The following AGPAT4 variants were observed in gnomAD, a reference collection of about 807,000 sequenced individuals.
AGPAT4 encodes the protein 1-acylglycerol-3-phosphate O-acyltransferase 4.
Under a neutral mutation model 48.0 loss-of-function variants are expected in AGPAT4, and 15 were observed. The ratio of observed to expected loss-of-function variants is 0.31; its 90% confidence interval spans 0.21 to 0.48. The LOEUF is 0.48. Among genes scored for constraint, AGPAT4 ranks in the 20% least tolerant of loss-of-function variants. AGPAT4 has a pLI of 0.99. For synonymous variants in AGPAT4, 178 were observed against 198.7 expected, an observed-to-expected ratio of 0.90 and a Z score of 0.88; for missense variants, 314 against 482.5, an observed-to-expected ratio of 0.65 and a Z score of 3.27.
Position 161,180,508 on chromosome 6 carries a change from A to G in AGPAT4, c.179-14091T>C, listed in dbSNP as rs969546696. Reference sequence around the variant, plus strand: ...ATGATCATTAGCTCTAACCAACTTTAACAATTATATAATTACATAGGTGAT... The same window carrying G: ...ATGATCATTAGCTCTAACCAACTTTGACAATTATATAATTACATAGGTGAT... On this transcript the variant is annotated intron_variant, in intron 2 of 8. Transcript: ENST00000320285. This position sits in a 1 kb window ranked among gnomAD's most constrained non-coding sequence, Gnocchi z 6.4. 1.7e-4 allele frequency among the ~76,000 whole-genome samples: 26 copies of G among 152,242 alleles called. No individual in the cohort carries two copies. Among genetic ancestry groups the G allele is most frequent in the African/African-American group, 6.0e-4 (25 of 41,462 alleles).
At position 161,255,035 on chromosome 6, in the gene AGPAT4, A is replaced by G. The variant is rs911016203; in HGVS notation, c.-90+18903T>C. Reference sequence around the variant, plus strand: ...CCATTGCAGAGCCAGATACGGTTACACAGCCCTTCTGAAGCAAAGATACAC... The same window carrying G: ...CCATTGCAGAGCCAGATACGGTTACGCAGCCCTTCTGAAGCAAAGATACAC... On this transcript the variant is annotated intron_variant, in intron 1 of 8. Transcript: ENST00000320285. This position sits in a 1 kb window ranked among gnomAD's most constrained non-coding sequence, Gnocchi z 4.7. Among the ~76,000 whole-genome samples the G allele has an allele frequency of 3.3e-5, 5 of 152,180 alleles. No individual in the cohort carries two copies. The highest frequency in any genetic ancestry group is 7.3e-5 in the Non-Finnish European group (5 of 68,032).
Position 161,229,577 on chromosome 6 carries a change from A to G in AGPAT4, c.178+2459T>C, listed in dbSNP as rs1001524026. ...ACCAGGAAAAGCGAACAGCCCTGCT[A>G]ACACCTATGGGGATACCAGAAACGG... On this transcript the variant is annotated intron_variant, in intron 2 of 8. Coordinates refer to ENST00000320285, the MANE Select transcript of AGPAT4 (RefSeq NM_020133.3). The surrounding 1 kb of genome is among the most constrained non-coding windows in gnomAD (Gnocchi z 6.0). 6.6e-6 allele frequency among the ~76,000 whole-genome samples: 1 copy of G among 152,174 alleles called. No homozygotes were observed. Among genetic ancestry groups the G allele is most frequent in the African/African-American group, 2.4e-5 (1 of 41,446 alleles).
rs1783464119 is a variant in AGPAT4 at position 161,272,719 on chromosome 6, C to CACACACAA, written c.-90+1218_-90+1219insTTGTGTGT. Among the ~76,000 whole-genome samples, 1 of 151,714 alleles carries CACACACAA rather than the reference C, an allele frequency of 6.6e-6. No individual in the cohort carries two copies. Among genetic ancestry groups the CACACACAA allele is most frequent in the East Asian group, 1.9e-4 (1 of 5,182 alleles). On this transcript the variant is annotated intron_variant, in intron 1 of 8. Coordinates refer to ENST00000320285, the MANE Select transcript of AGPAT4 (RefSeq NM_020133.3). This position sits in a 1 kb window ranked among gnomAD's most constrained non-coding sequence, Gnocchi z 4.2. ...CCATTTCCCTAAACACACACACACA[C>CACACACAA]ACACACACACACAAACACACACATT...
rs188659502 is a variant in AGPAT4, at chr6:161,254,305, T to C, written c.-90+19633A>G. The stretch of plus-strand genomic sequence containing the variant: ...AGAAAATAGAGGCTCAGGGAAGTCA[T>C]GACTTATTTTCTTTGGTCACTAACC... On this transcript the variant is annotated intron_variant, in intron 1 of 8. Coordinates refer to ENST00000320285, the MANE Select transcript of AGPAT4 (RefSeq NM_020133.3). The surrounding 1 kb of genome is among the most constrained non-coding windows in gnomAD (Gnocchi z 5.9). Among the ~76,000 whole-genome samples the C allele has an allele frequency of 9.8e-5, 15 of 152,346 alleles. No individual in the cohort carries two copies. In the East Asian group the frequency reaches 1.9e-3, roughly 20 times the overall value.
intron 3 of AGPAT4, among the ~76,000 whole-genome samples, chr6:161,163,754 C>T (rs563490888): frequency 6.6e-6 from 1 of 152,326 alleles, no homozygotes; most frequent in Admixed American, 6.5e-5. Flanking sequence ...GGACTCAGGG[C>T]TTAAGGAAGC....
rs1055058509 is a variant in AGPAT4, at chr6:161,170,468, C to G, written c.179-4051G>C. ...ATACACATGCGCGTGCACACGTGCG[C>G]GCGCGCACACACACACACACACACA... On this transcript the variant is annotated intron_variant, in intron 2 of 8. Coordinates refer to ENST00000320285, the MANE Select transcript of AGPAT4 (RefSeq NM_020133.3). 2.5e-4 allele frequency among the ~76,000 whole-genome samples: 19 copies of G among 77,206 alleles called. No homozygotes were observed. In the East Asian group the frequency reaches 4.6e-3, roughly 19 times the overall value. 50.7% of individuals were successfully genotyped at this position (77,206 alleles called of 152,430 possible).
chr6:161,225,154 C>G lies in AGPAT4; in HGVS notation c.178+6882G>C, dbSNP rs1360158212. Among the ~76,000 whole-genome samples the G allele has an allele frequency of 6.6e-6, 1 of 152,176 alleles. No homozygotes were observed. The highest frequency in any genetic ancestry group is 1.5e-5 in the Non-Finnish European group (1 of 68,028). On this transcript the variant is annotated intron_variant, in intron 2 of 8. Coordinates refer to ENST00000320285, the MANE Select transcript of AGPAT4 (RefSeq NM_020133.3). This position sits in a 1 kb window ranked among gnomAD's most constrained non-coding sequence, Gnocchi z 5.0. ...CTCCACCCTGACTCCTTCCGATGAC[C>G]TGCTCCACCCTGACTCATTCCAATT...
rs1781682653 is a variant in AGPAT4, at chr6:161,217,504, G to A, written c.178+14532C>T. ...CTTCTCCCTGTGTGTCCCTGGGGGA[G>A]TCCATCAGGTGCATGGTAATCCAGT... On this transcript the variant is annotated intron_variant, in intron 2 of 8. Coordinates refer to ENST00000320285, the MANE Select transcript of AGPAT4 (RefSeq NM_020133.3). The surrounding 1 kb of genome is among the most constrained non-coding windows in gnomAD (Gnocchi z 4.9). Among the ~76,000 whole-genome samples, 3 of 152,198 alleles carry A rather than the reference G, an allele frequency of 2.0e-5. No homozygotes were observed. The South Asian group carries it at 6.2e-4, about 32-fold the overall frequency.
chr6:161,257,065 G>A (rs75386883), intron 1 of AGPAT4, among the ~76,000 whole-genome samples: 11,195 of 152,284 alleles, frequency 0.074, 464 homozygotes, highest in Middle Eastern at 0.15. Context: ...TGCCCTAAAT[G>A]AGATGTTGGA....
In AGPAT4 at chr6:161,134,203, G is replaced by GTTAT. The variant is rs1554290667; in HGVS notation, c.*2333_*2336dup. 6.6e-6 allele frequency: 1 copy of GTTAT among 152,178 alleles called. No homozygotes were observed. Among genetic ancestry groups the GTTAT allele is most frequent in the Non-Finnish European group, 1.5e-5 (1 of 68,044 alleles). 9.4% of individuals were successfully genotyped at this position (152,178 alleles called of 1,614,324 possible). A position where few individuals can be genotyped will look rare whatever the true frequency, so the allele number is the denominator to read the frequency against. On this transcript the variant is annotated 3_prime_UTR_variant, in exon 9 of 9. Coordinates refer to ENST00000320285, the MANE Select transcript of AGPAT4 (RefSeq NM_020133.3). ...CAATTCAAAACTTGGCGCTCACTTA[G>GTTAT]TTATTTCCTAAGAGATTTCTGCCTG...
rs1424819054 is a variant in AGPAT4 at position 161,229,273 on chromosome 6, C to T, written c.178+2763G>A. ...GAAAATCAGCTGCAAATCATGAATG[C>T]TGATGACTGTCTAAGCTCAGAGTGA... On this transcript the variant is annotated intron_variant, in intron 2 of 8. Coordinates refer to ENST00000320285, the MANE Select transcript of AGPAT4 (RefSeq NM_020133.3). This position sits in a 1 kb window ranked among gnomAD's most constrained non-coding sequence, Gnocchi z 6.0. Among the ~76,000 whole-genome samples the T allele has an allele frequency of 2.0e-5, 3 of 152,094 alleles. No homozygotes were observed. The highest frequency in any genetic ancestry group is 7.2e-5 in the African/African-American group (3 of 41,414).
chr6:161,183,463 T>G (rs536736444), intron 2 of AGPAT4, among the ~76,000 whole-genome samples: 2 of 150,796 alleles, frequency 1.3e-5, no homozygotes, highest in Non-Finnish European at 3.0e-5. Flanking sequence ...CTAATAAAAA[T>G]ACAAAAATTA....
chr6:161,217,495 C>T lies in AGPAT4; in HGVS notation c.178+14541G>A, dbSNP rs1781682506. 6.6e-6 allele frequency among the ~76,000 whole-genome samples: 1 copy of T among 152,114 alleles called. No individual in the cohort carries two copies. Among genetic ancestry groups the T allele is most frequent in the Admixed American group, 6.5e-5 (1 of 15,286 alleles). On this transcript the variant is annotated intron_variant, in intron 2 of 8. Coordinates refer to ENST00000320285, the MANE Select transcript of AGPAT4 (RefSeq NM_020133.3). The surrounding 1 kb of genome is among the most constrained non-coding windows in gnomAD (Gnocchi z 4.9). ...AAAGACATGCTTCTCCCTGTGTGTCCCTGGGGGAGTCCATCAGGTGCATGG... is the reference window on the plus strand; with the variant it reads ...AAAGACATGCTTCTCCCTGTGTGTCTCTGGGGGAGTCCATCAGGTGCATGG...
Position 161,138,953 on chromosome 6 carries a change from C to T in AGPAT4, c.1042+469G>A, listed in dbSNP as rs1317774719. On this transcript the variant is annotated intron_variant, in intron 8 of 8. Coordinates refer to ENST00000320285, the MANE Select transcript of AGPAT4 (RefSeq NM_020133.3). The surrounding 1 kb of genome is among the most constrained non-coding windows in gnomAD (Gnocchi z 4.8). ...AGCGCAGACCCATGAAAAGCTCTGT[C>T]GCCGAGTGTCTCCACTCAGTGTCAT... 4.6e-5 allele frequency among the ~76,000 whole-genome samples: 7 copies of T among 152,080 alleles called. No homozygotes were observed. The highest frequency in any genetic ancestry group is 3.3e-4 in the Admixed American group (5 of 15,278).
chr6:161,169,286 A>G lies in AGPAT4; in HGVS notation c.179-2869T>C, dbSNP rs1780199762. On this transcript the variant is annotated intron_variant, in intron 2 of 8. Transcript: ENST00000320285. The surrounding 1 kb of genome is among the most constrained non-coding windows in gnomAD (Gnocchi z 5.0). ...TGAAAAAAAAATCACTCTGATTGAA[A>G]CAAGAACAGACTGGAATAGGGAGGC... 6.6e-6 allele frequency among the ~76,000 whole-genome samples: 1 copy of G among 152,224 alleles called. No individual in the cohort carries two copies. The highest frequency in any genetic ancestry group is 2.1e-4 in the South Asian group (1 of 4,826).
intron 2 of AGPAT4, among the ~76,000 whole-genome samples, chr6:161,210,121 A>C (rs1375854065): frequency 6.6e-6 from 1 of 152,124 alleles, no homozygotes; most frequent in Non-Finnish European, 1.5e-5. Flanking sequence ...TTTTGCCCAG[A>C]GTTCAGAGAT....
chr6:161,181,171 G>A (rs1051329643), intron 2 of AGPAT4, among the ~76,000 whole-genome samples: 2 of 152,216 alleles, frequency 1.3e-5, no homozygotes, highest in African/African-American at 4.8e-5. Flanking sequence ...AGTTCTTGCT[G>A]CAGGTGTTAA....
rs1318050103 is a variant in AGPAT4, at chr6:161,216,787, G to C, written c.178+15249C>G. Among the ~76,000 whole-genome samples, 1 of 152,132 alleles carries C rather than the reference G, an allele frequency of 6.6e-6. No individual in the cohort carries two copies. Among genetic ancestry groups the C allele is most frequent in the Non-Finnish European group, 1.5e-5 (1 of 68,032 alleles). On this transcript the variant is annotated intron_variant, in intron 2 of 8. Transcript: ENST00000320285. The surrounding 1 kb of genome is among the most constrained non-coding windows in gnomAD (Gnocchi z 4.8). ...CCCTGATAAACCCATCAGATCTCGT[G>C]AGACTTACTATCACGAGACTAGCAC...
intron 5 of AGPAT4, among the ~76,000 whole-genome samples, chr6:161,151,136 G>A (rs1371352331): frequency 6.6e-6 from 1 of 152,220 alleles, no homozygotes; most frequent in Non-Finnish European, 1.5e-5. Flanking sequence ...GAGAGCAGCC[G>A]CTGCCAGCCC....
Sources: gnomAD v4.1 joint callset for allele counts (sites outside exome capture counted in the v4.1 genomes callset) on GRCh38, gnomAD v4.1.1 for gene constraint, Gnocchi (gnomAD v3.1) non-coding constraint, MANE v1.5 for transcripts, NCBI Gene and HGNC (gene_info 2026-07-23, HGNC 2026-07-21) for gene names.